Variants in FRMD4A observed in about 807,000 individuals in gnomAD.
The protein encoded by FRMD4A is FERM domain-containing protein 4A.
Under a neutral mutation model 129.1 loss-of-function variants are expected in FRMD4A, and 29 were observed. The ratio of observed to expected loss-of-function variants is 0.22; its 90% CI spans 0.17 to 0.31. The LOEUF is 0.31. FRMD4A is among the 10% of genes least tolerant of loss of function. FRMD4A has a pLI of 1.00. For missense variants in FRMD4A, 1,272 were observed against 1,375.8 expected, an observed-to-expected ratio of 0.92 and a Z score of 1.19; for synonymous variants, 634 against 571.6, an observed-to-expected ratio of 1.11 and a Z score of -1.56.
chr10:13,798,181 C>G (rs998301782), intron 4 of FRMD4A, among the ~76,000 whole-genome samples: 1 of 151,808 alleles, frequency 6.6e-6, no homozygotes, highest in East Asian at 1.9e-4. Flanking sequence ...GAGGCGAAGG[C>G]GAGCGGATCA....
chr10:14,154,830 C>G (rs559878619), intron 2 of FRMD4A, among the ~76,000 whole-genome samples: 26 of 152,300 alleles, frequency 1.7e-4, no homozygotes, highest in Non-Finnish European at 2.8e-4. Flanking sequence ...CAGCGAGAGG[C>G]CCTTAGCTTA....
chr10:13,699,980 A>T (rs902799557), intron 14 of FRMD4A, among the ~76,000 whole-genome samples: 5 of 152,186 alleles, frequency 3.3e-5, no homozygotes, highest in Non-Finnish European at 7.3e-5. Flanking sequence ...AAAATGACCA[A>T]AAAGGGGGTC....
rs2130912655 is a variant in FRMD4A, at chr10:13,823,220, C to T, written c.112-12312G>A. On this transcript the variant is annotated intron_variant, in intron 3 of 24. Coordinates refer to ENST00000357447, the MANE Select transcript of FRMD4A (RefSeq NM_018027.5). ...AAGTGCTCACAAGCCAGCCAGCCGGCTGGGGAGCCTGCTCTATTCATGATC... is the reference window on the plus strand; with the variant it reads ...AAGTGCTCACAAGCCAGCCAGCCGGTTGGGGAGCCTGCTCTATTCATGATC... Among the ~76,000 whole-genome samples, 2 of 152,268 alleles carry T rather than the reference C, an allele frequency of 1.3e-5. 1 individual carries two copies. Among genetic ancestry groups the T allele is most frequent in the South Asian group, 4.1e-4 (2 of 4,824 alleles).
intron 1 of FRMD4A, 124 bp from the exon 2 acceptor site, chr10:14,330,307 GAA>G (rs35432616): frequency 3.2e-3 from 1,349 of 421,814 alleles, no homozygotes; most frequent in South Asian, 6.6e-3. Flanking sequence ...GCTTAGGGAG[GAA>G]AAAAAAAAAA....
At chr10:14,273,479 A>G (rs908629427) in intron 2 of FRMD4A, among the ~76,000 whole-genome samples, 2 of 152,200 alleles carry the variant, frequency 1.3e-5, no homozygotes, top group Admixed American at 6.5e-5. Context: ...TATTAAAATT[A>G]GTAATATTAA....
rs1054575060 is a variant in FRMD4A at position 14,106,428 on chromosome 10, A to G, written c.45+223630T>C. Among the ~76,000 whole-genome samples, 3 of 152,196 alleles carry G rather than the reference A, an allele frequency of 2.0e-5. No homozygotes were observed. In the East Asian group the frequency reaches 5.8e-4, roughly 29 times the overall value. On this transcript the variant is annotated intron_variant, in intron 2 of 24. Transcript: ENST00000357447. ...CCATCACTGGTGAGTGAGGAATACT[A>G]ATTACTACTGGATTGGTTGTTTCTA...
intron 2 of FRMD4A, among the ~76,000 whole-genome samples, chr10:14,284,375 G>A (rs566902228): frequency 3.9e-5 from 6 of 152,212 alleles, no homozygotes; most frequent in East Asian, 1.9e-4. Context: ...GAGGCTGGGC[G>A]CAGTGGTTCA....
chr10:13,708,009 A>C (rs543559889), intron 12 of FRMD4A: 167 of 418,334 alleles, frequency 4.0e-4, no homozygotes, highest in African/African-American at 2.7e-3. Flanking sequence ...GGGAAATATC[A>C]CAGGAGGTTC....
At chr10:14,191,794 GTT>G (rs11410689) in intron 2 of FRMD4A, among the ~76,000 whole-genome samples, 28 of 133,154 alleles carry the variant, frequency 2.1e-4, no homozygotes, top group South Asian at 2.8e-4. Flanking sequence ...TCAACTGGCT[GTT>G]TTTTTTTTTT....
At chr10:14,110,106 G>A (rs1460768792) in intron 2 of FRMD4A, among the ~76,000 whole-genome samples, 2 of 120,238 alleles carry the variant, frequency 1.7e-5, no homozygotes, top group African/African-American at 6.8e-5. Flanking sequence ...TCCAGGCTGG[G>A]CAACAAAGCG....
intron 15 of FRMD4A, among the ~76,000 whole-genome samples, chr10:13,679,156 G>A (rs901333777): frequency 4.0e-5 from 6 of 151,726 alleles, no homozygotes; most frequent in African/African-American, 1.5e-4. Context: ...GGGCGCGGTG[G>A]CTCACGCTTG....
At chr10:14,293,426 G>A (rs1309729229) in intron 2 of FRMD4A, among the ~76,000 whole-genome samples, 1 of 152,114 alleles carries the variant, frequency 6.6e-6, no homozygotes, top group Non-Finnish European at 1.5e-5. Flanking sequence ...CATTTATTTT[G>A]TTATAGCAAC....
At chr10:13,900,757 C>CTG (rs2094810273) in intron 2 of FRMD4A, among the ~76,000 whole-genome samples, 1 of 151,916 alleles carries the variant, frequency 6.6e-6, no homozygotes, top group African/African-American at 2.4e-5. Context: ...ATTAGCCAGG[C>CTG]GTGTTGGCAG....
chr10:14,205,875 TG>T (rs1217165915), intron 2 of FRMD4A, among the ~76,000 whole-genome samples: 1 of 151,312 alleles, frequency 6.6e-6, no homozygotes, highest in Non-Finnish European at 1.5e-5. Context: ...CTGCTTGATT[TG>T]GGATGTAAAA....
At chr10:13,882,108 T>C (rs1369648442) in intron 2 of FRMD4A, among the ~76,000 whole-genome samples, 1 of 151,660 alleles carries the variant, frequency 6.6e-6, no homozygotes, top group Non-Finnish European at 1.5e-5. Flanking sequence ...TTTTCTTCCA[T>C]GCTAAGGACT....
intron 2 of FRMD4A, among the ~76,000 whole-genome samples, chr10:13,906,338 C>A (rs1420755554): frequency 6.6e-6 from 1 of 152,158 alleles, no homozygotes; most frequent in Non-Finnish European, 1.5e-5. Context: ...CAGTGGTCAG[C>A]AGTACAGGCT....
At chr10:14,233,001 C>G (rs1046615332) in intron 2 of FRMD4A, among the ~76,000 whole-genome samples, 1 of 152,100 alleles carries the variant, frequency 6.6e-6, no homozygotes, top group African/African-American at 2.4e-5. Context: ...AAAATACAGA[C>G]TTTTTGAGAC....
rs1483478722 is a variant in FRMD4A at position 13,646,503 on chromosome 10, C to T, written c.*535G>A. On this transcript the variant is annotated 3_prime_UTR_variant, in exon 25 of 25. Coordinates refer to ENST00000357447, the MANE Select transcript of FRMD4A (RefSeq NM_018027.5). ...CACGAGGCCTCCTCTTCATGAAGTG[C>T]TTGGTTGGCCTACGTATGGGTGGCA... 6.6e-6 allele frequency: 1 copy of T among 152,238 alleles called. No individual in the cohort carries two copies. Among genetic ancestry groups the T allele is most frequent in the Non-Finnish European group, 1.5e-5 (1 of 68,072 alleles). 9.4% of individuals were successfully genotyped at this position (152,238 alleles called of 1,614,324 possible).
chr10:14,229,205 T>C (rs1273289048), intron 2 of FRMD4A, among the ~76,000 whole-genome samples: 1 of 152,106 alleles, frequency 6.6e-6, no homozygotes, highest in Non-Finnish European at 1.5e-5. Context: ...CTCATTTGAC[T>C]AGTTCAATTT....
Sources: allele counts gnomAD v4.1 joint callset (sites outside exome capture counted in the v4.1 genomes callset), GRCh38; gene constraint gnomAD v4.1.1; transcripts MANE v1.5; gene names NCBI Gene and HGNC (gene_info 2026-07-23, HGNC 2026-07-21).